Variants in KCNIP4 observed in about 807,000 individuals in gnomAD.
KCNIP4 encodes Kv channel-interacting protein 4.
A neutral mutation model predicts 34.0 loss-of-function variants in KCNIP4; 12 were observed. The observed-to-expected ratio is 0.35, with a 90% CI of 0.23 to 0.57. KCNIP4 has a LOEUF of 0.57. KCNIP4 is among the 20% of genes least tolerant of loss of function. KCNIP4 has a pLI of 0.83. For missense variants in KCNIP4, 238 were observed against 311.7 expected (o/e 0.76, Z 1.78); for synonymous variants, 124 against 102.2 (o/e 1.21, Z -1.29).
chr4:21,630,520 T>C (rs1213955337), intron 1 of KCNIP4, among the ~76,000 whole-genome samples: 1 of 152,004 alleles, frequency 6.6e-6, no homozygotes, highest in Non-Finnish European at 1.5e-5. Flanking sequence ...CATACTCATG[T>C]TCATATTATC....
At chr4:21,734,088 T>A (rs576419088) in intron 1 of KCNIP4, among the ~76,000 whole-genome samples, 9 of 152,314 alleles carry the variant, frequency 5.9e-5, no homozygotes, top group East Asian at 3.9e-4. Flanking sequence ...ATGTACATTC[T>A]CCAAAATGTT....
intron 1 of KCNIP4, among the ~76,000 whole-genome samples, chr4:20,952,027 C>T (rs1434949): frequency 0.11 from 16,966 of 151,954 alleles, 1,032 homozygotes; most frequent in South Asian, 0.23. Flanking sequence ...AGAGTGGGTA[C>T]GCAGTAAATA....
intron 1 of KCNIP4, among the ~76,000 whole-genome samples, chr4:21,730,527 T>C (rs1365914890): frequency 1.3e-5 from 2 of 152,054 alleles, no homozygotes; most frequent in East Asian, 3.9e-4. Context: ...CCAGACAGGA[T>C]ATATATTGGG....
chr4:21,570,055 C>G (rs1202391469), intron 1 of KCNIP4, among the ~76,000 whole-genome samples: 4 of 152,046 alleles, frequency 2.6e-5, no homozygotes, highest in African/African-American at 9.7e-5. Flanking sequence ...CGTTGTCTGC[C>G]TCAAATGGAG....
intron 1 of KCNIP4, among the ~76,000 whole-genome samples, chr4:21,453,089 G>C (rs892709778): frequency 2.0e-5 from 3 of 151,910 alleles, no homozygotes; most frequent in Admixed American, 6.6e-5. Flanking sequence ...TCAAAGAAAA[G>C]GTCCCCTTGT....
chr4:21,449,775 G>T (rs768026919), intron 1 of KCNIP4, among the ~76,000 whole-genome samples: 4 of 151,734 alleles, frequency 2.6e-5, no homozygotes, highest in Admixed American at 6.6e-5. Flanking sequence ...TGTGAATAGT[G>T]GTACTGGTAC....
At chr4:20,858,211 CAAAAAAAAAAAAAAAAAAAAA>C (rs778798968) in intron 2 of KCNIP4, among the ~76,000 whole-genome samples, 1 of 70,708 alleles carries the variant, frequency 1.4e-5, no homozygotes. Flanking sequence ...AACTCCATCT[CAAAAAAAAAAAAAAAAAAAAA>C]AAAAAAAAAA....
Position 21,263,926 on chromosome 4 carries a change from A to C in KCNIP4, c.62-381217T>G, listed in dbSNP as rs150512888. On this transcript the variant is annotated intron_variant, in intron 1 of 8. Coordinates refer to ENST00000382152, the MANE Select transcript of KCNIP4 (RefSeq NM_025221.6). The stretch of plus-strand genomic sequence containing the variant: ...CACCTTAGACTCCCAAAGTGCTGGG[A>C]TTACAGGTGTGAGCCACCATGCCCA... 7.4e-4 allele frequency among the ~76,000 whole-genome samples: 113 copies of C among 152,142 alleles called. 2 individuals are homozygous for C. In the East Asian group the frequency reaches 0.019, roughly 25 times the overall value.
At chr4:21,802,836 A>C (rs898343689) in intron 1 of KCNIP4, among the ~76,000 whole-genome samples, 1 of 152,198 alleles carries the variant, frequency 6.6e-6, no homozygotes, top group African/African-American at 2.4e-5. Flanking sequence ...TCTCTCAAAA[A>C]TTGCACCCCA....
intron 1 of KCNIP4, among the ~76,000 whole-genome samples, chr4:21,743,331 T>C (rs570150845): frequency 6.6e-5 from 10 of 152,136 alleles, no homozygotes; most frequent in Non-Finnish European, 1.0e-4. Flanking sequence ...ATGGCCCCTG[T>C]TCATCCTCAA....
chr4:20,785,706 T>G (rs1264247046), intron 3 of KCNIP4, among the ~76,000 whole-genome samples: 1 of 152,042 alleles, frequency 6.6e-6, no homozygotes, highest in Non-Finnish European at 1.5e-5. Flanking sequence ...AAAATCACAA[T>G]AAAGGATAGA....
intron 1 of KCNIP4, among the ~76,000 whole-genome samples, chr4:20,952,284 T>G (rs970701633): frequency 6.6e-6 from 1 of 152,264 alleles, no homozygotes; most frequent in African/African-American, 2.4e-5. Context: ...AGAAACAGAT[T>G]ATATCTAGGC....
In KCNIP4 at chr4:21,488,870, G is replaced by A. The variant is rs116868376; in HGVS notation, c.61+459701C>T. ...ATCAGTATCCAGATATCCAAGCCAA[G>A]GAAAAATTTGATGGTATTCAGGCAC... is the stretch of plus-strand genomic sequence containing the variant. On this transcript the variant is annotated intron_variant, in intron 1 of 8. Coordinates refer to ENST00000382152, the MANE Select transcript of KCNIP4 (RefSeq NM_025221.6). Among the ~76,000 whole-genome samples, 1,537 of 152,176 alleles carry A rather than the reference G, an allele frequency of 0.01. 66 individuals carry two copies. In the East Asian group the frequency reaches 0.12, roughly 12 times the overall value.
chr4:21,775,498 G>T (rs1432340035), intron 1 of KCNIP4, among the ~76,000 whole-genome samples: 1 of 152,162 alleles, frequency 6.6e-6, no homozygotes, highest in East Asian at 1.9e-4. Context: ...AGTGGAGAGG[G>T]TATGCTTTTC....
At chr4:21,757,004 G>A (rs900745245) in intron 1 of KCNIP4, among the ~76,000 whole-genome samples, 1 of 151,256 alleles carries the variant, frequency 6.6e-6, no homozygotes, top group South Asian at 2.1e-4. Flanking sequence ...GGCTGAGGCA[G>A]CAGAATCGCT....
At chr4:21,660,826 C>T (rs1748391076) in intron 1 of KCNIP4, among the ~76,000 whole-genome samples, 1 of 152,100 alleles carries the variant, frequency 6.6e-6, no homozygotes, top group Non-Finnish European at 1.5e-5. Flanking sequence ...GTAGCAATTT[C>T]ACTTATATAT....
intron 1 of KCNIP4, among the ~76,000 whole-genome samples, chr4:21,282,459 A>AGTGT (rs34143880): frequency 1.2e-3 from 177 of 146,848 alleles, no homozygotes; most frequent in East Asian, 5.8e-3. Flanking sequence ...AAGATGTGTG[A>AGTGT]GTGTGTGTGT....
intron 1 of KCNIP4, among the ~76,000 whole-genome samples, chr4:21,413,162 G>T (rs1433368526): frequency 6.6e-6 from 1 of 152,160 alleles, no homozygotes; most frequent in Non-Finnish European, 1.5e-5. Flanking sequence ...GTTGTTAGGG[G>T]GAGGCTATCT....
chr4:20,732,639 C>G, intron 7 of KCNIP4, 42 bp downstream of exon 7: 2 of 1,301,244 alleles, frequency 1.5e-6, no homozygotes, highest in Non-Finnish European at 2.2e-6. Context: ...AGGAAATTTT[C>G]TCCTAACTTC....
Sources: allele counts gnomAD v4.1 joint callset (sites outside exome capture counted in the v4.1 genomes callset), GRCh38; gene constraint gnomAD v4.1.1; transcripts MANE v1.5; gene names NCBI Gene and HGNC (gene_info 2026-07-23, HGNC 2026-07-21).